The following SRPRA variants were observed in gnomAD, a reference collection of about 807,000 sequenced individuals.
SRPRA encodes the protein SRP receptor subunit alpha.
SRPRA carries 30 observed loss-of-function variants against 61.1 expected under a neutral mutation model. That is an observed-to-expected ratio of 0.49 (90% CI 0.37 to 0.67). SRPRA has a LOEUF of 0.67. Ranked by LOEUF, SRPRA falls within the 30% of genes least tolerant of loss-of-function variation. SRPRA has a pLI of 0.00. For synonymous variants in SRPRA, 324 were observed against 299.7 expected, an observed-to-expected ratio of 1.08 and a Z score of -0.84; for missense variants, 759 against 828.4, an observed-to-expected ratio of 0.92 and a Z score of 1.03.
the SRPRA span, chr11:126,241,108 A>G: frequency 6.8e-7 from 1 of 1,480,090 alleles, no homozygotes; most frequent in Non-Finnish European, 9.1e-7. Context: ...CACAACTAGC[A>G]TGATTTGGCT....
At chr11:126,266,386 C>A in intron 6 of SRPRA, 90 bp downstream of exon 6, 6 of 1,587,784 alleles carry the variant, frequency 3.8e-6, no homozygotes, top group Admixed American at 1.7e-5. Flanking sequence ...GTATAACTTA[C>A]CCCTCATTCA....
At chr11:126,262,420 C>T (rs192441204), downstream of SRPRA, 1,075 of 457,326 alleles carry the variant, frequency 2.4e-3, 4 homozygotes, top group Middle Eastern at 0.015. Flanking sequence ...CCACACAGCA[C>T]ACCAATGTGA....
Position 126,266,533 on chromosome 11 carries a change from G to A in SRPRA, c.783C>T (p.Tyr261=). The A allele has an allele frequency of 6.2e-7, 1 of 1,614,180 alleles. No individual in the cohort carries two copies. The highest frequency in any genetic ancestry group is 8.5e-7 in the Non-Finnish European group (1 of 1,180,034). ...GGGTTCCATTGGTGGTGGGAGTACT[G>A]TAATCCAACACTTCTTTGTTAGCAC... The part of the protein sequence containing the change: ...GGCANKEVLD[Y]STPTTNGTPE... The change falls in exon 6 of 14, where the codon TAC becomes TAT. Residue 261 remains tyrosine, a synonymous_variant. Transcript: ENST00000332118.
chr11:126,266,080 C>A lies in SRPRA; in HGVS notation c.934G>T (p.Ala312Ser). The A allele has an allele frequency of 6.2e-7, 1 of 1,614,096 alleles. No individual in the cohort carries two copies. Among genetic ancestry groups the A allele is most frequent in the Non-Finnish European group, 8.5e-7 (1 of 1,179,986 alleles). ...ATGCCACCCAGTGTTCCCTTGGTCG[C>A]ACTGCAGGGACAGGAGATTACACAT... The part of the protein sequence containing the change: ...GAAQNSTKPS[A>S]TKGTLGGMFG... The change falls in exon 8 of 14, where the codon GCG (alanine) becomes TCG (serine). Residue 312 changes from alanine (A) to serine (S), a missense_variant and splice_region_variant. Ala to Ser is a moderately conservative substitution (Grantham distance 99). Coordinates refer to ENST00000332118, the MANE Select transcript of SRPRA (RefSeq NM_003139.4).
In SRPRA at chr11:126,265,918, A is replaced by AC; in HGVS notation, c.1051+44dup. The AC allele has an allele frequency of 1.2e-6, 2 of 1,609,848 alleles. No individual in the cohort carries two copies. Among genetic ancestry groups the AC allele is most frequent in the South Asian group, 2.2e-5 (2 of 91,008 alleles). On this transcript the variant is annotated intron_variant, in intron 8 of 13. Transcript: ENST00000332118. The surrounding 1 kb of genome is among the most constrained non-coding windows in gnomAD (Gnocchi z 6.3). ...ACGCTAGGTGATTCTGCTCTCAACT[A>AC]CCCCTATCCCGCGAGTATGAGTCAG...
Position 126,264,651 on chromosome 11 carries a change from G to T in SRPRA, c.1526-112C>A. ...TACCTGTTCACTGTCTTGGGCTCTG[G>T]ATTTGGTTCCAAGGTAATGTGAGAA... On this transcript the variant is annotated intron_variant, in intron 11 of 13. Transcript: ENST00000332118. This position sits in a 1 kb window ranked among gnomAD's most constrained non-coding sequence, Gnocchi z 5.0. 1 of 1,319,472 alleles carries T rather than the reference G, an allele frequency of 7.6e-7. No homozygotes were observed. Among genetic ancestry groups the T allele is most frequent in the Non-Finnish European group, 1.0e-6 (1 of 973,606 alleles). The allele number at this position is 1,319,472 out of a possible 1,614,324, so 81.7% of individuals were successfully genotyped here.
At chr11:126,262,213 G>C, downstream of SRPRA, 1 of 1,480,972 alleles carries the variant, frequency 6.8e-7, no homozygotes, top group Non-Finnish European at 9.4e-7. Flanking sequence ...AAACTTACAA[G>C]AACCCAACAC....
the SRPRA span, among the ~76,000 whole-genome samples, chr11:126,246,273 A>C: frequency 6.6e-6 from 1 of 152,144 alleles, no homozygotes; most frequent in Non-Finnish European, 1.5e-5. Flanking sequence ...AAAAGAATCA[A>C]ATCTAACAGT....
chr11:126,263,692 C>T lies in SRPRA; in HGVS notation c.*224G>A, dbSNP rs3189850. The T allele has an allele frequency of 1.6e-5, 9 of 572,852 alleles. No individual in the cohort carries two copies. The highest frequency in any genetic ancestry group is 3.8e-5 in the African/African-American group (2 of 53,332). 35.5% of individuals were successfully genotyped at this position (572,852 alleles called of 1,614,324 possible). On this transcript the variant is annotated 3_prime_UTR_variant, in exon 14 of 14. Coordinates refer to ENST00000332118, the MANE Select transcript of SRPRA (RefSeq NM_003139.4). ...GTGCCTGAGTAGGAAGGGGGAGGCC[C>T]GCTGGGAGAGGGTCAGTGGGCAGTG...
chr11:126,249,356 T>C, the SRPRA span, among the ~76,000 whole-genome samples: 1 of 152,244 alleles, frequency 6.6e-6, no homozygotes, highest in African/African-American at 2.4e-5. Context: ...AATAAACCTA[T>C]GAACTGCTGA....
At chr11:126,244,758 C>T in the SRPRA span, among the ~76,000 whole-genome samples, 2 of 152,140 alleles carry the variant, frequency 1.3e-5, no homozygotes, top group Non-Finnish European at 1.5e-5. This position sits in a 1 kb window ranked among gnomAD's most constrained non-coding sequence, Gnocchi z 4.5. Context: ...AGCCAGGATC[C>T]CTCCACTGCA....
the SRPRA span, chr11:126,250,823 T>A: frequency 9.5e-7 from 1 of 1,057,024 alleles, no homozygotes; most frequent in Non-Finnish European, 1.4e-6. This position sits in a 1 kb window ranked among gnomAD's most constrained non-coding sequence, Gnocchi z 5.1. Flanking sequence ...TTGGTATTTA[T>A]GTAGAGCTAG....
In SRPRA at chr11:126,267,497, A is replaced by G; in HGVS notation, c.365+52T>C. 6.2e-7 allele frequency: 1 copy of G among 1,609,344 alleles called. No homozygotes were observed. Among genetic ancestry groups the G allele is most frequent in the Non-Finnish European group, 8.5e-7 (1 of 1,177,020 alleles). On this transcript the variant is annotated intron_variant, in intron 3 of 13. Coordinates refer to ENST00000332118, the MANE Select transcript of SRPRA (RefSeq NM_003139.4). This position sits in a 1 kb window ranked among gnomAD's most constrained non-coding sequence, Gnocchi z 4.2. ...TACCACCTTTGAACCACCTTCAGAG[A>G]GGTCATCAAATCATGGAAATAAATT...
At chr11:126,259,390 T>C (rs1415953136), downstream of SRPRA, among the ~76,000 whole-genome samples, 2 of 151,954 alleles carry the variant, frequency 1.3e-5, no homozygotes, top group Non-Finnish European at 2.9e-5. Flanking sequence ...AAATAATTCT[T>C]ATAATCCATT....
At chr11:126,244,719 A>G in the SRPRA span, among the ~76,000 whole-genome samples, 2 of 152,092 alleles carry the variant, frequency 1.3e-5, no homozygotes, top group Non-Finnish European at 2.9e-5. The surrounding 1 kb of genome is among the most constrained non-coding windows in gnomAD (Gnocchi z 4.5). Context: ...CAGGAGAATC[A>G]CTTGAACCTG....
At position 126,266,098 on chromosome 11, in the gene SRPRA, T is replaced by TTACACA. The variant is rs762702146; in HGVS notation, c.933-23_933-18dup. On this transcript the variant is annotated splice_polypyrimidine_tract_variant and intron_variant, in intron 7 of 13. Coordinates refer to ENST00000332118, the MANE Select transcript of SRPRA (RefSeq NM_003139.4). ...TTGGTCGCACTGCAGGGACAGGAGA[T>TTACACA]TACACATACACATAAAACCAGTAGG... The TTACACA allele has an allele frequency of 6.2e-7, 1 of 1,613,454 alleles. No homozygotes were observed. Among genetic ancestry groups the TTACACA allele is most frequent in the Non-Finnish European group, 8.5e-7 (1 of 1,179,444 alleles).
At chr11:126,250,375 G>A in the SRPRA span, 3 of 633,072 alleles carry the variant, frequency 4.7e-6, no homozygotes, top group South Asian at 3.9e-5. The surrounding 1 kb of genome is among the most constrained non-coding windows in gnomAD (Gnocchi z 5.1). Flanking sequence ...ACAGGCGTGA[G>A]CCACTGCGCC....
At position 126,265,942 on chromosome 11, in the gene SRPRA, A is replaced by AG; in HGVS notation, c.1051+20dup. On this transcript the variant is annotated intron_variant, in intron 8 of 13. Transcript: ENST00000332118. The surrounding 1 kb of genome is among the most constrained non-coding windows in gnomAD (Gnocchi z 6.3). ...TACCCCTATCCCGCGAGTATGAGTC[A>AG]GCCCGGTCCTCAGAACTTACCAATG... is the stretch of plus-strand genomic sequence containing the variant. 1 of 1,612,864 alleles carries AG rather than the reference A, an allele frequency of 6.2e-7. No individual in the cohort carries two copies. Among genetic ancestry groups the AG allele is most frequent in the Non-Finnish European group, 8.5e-7 (1 of 1,178,828 alleles).
Position 126,265,321 on chromosome 11 carries a change from C to T in SRPRA, c.1258G>A (p.Val420Ile), listed in dbSNP as rs1319812760. 2 of 1,613,806 alleles carry T rather than the reference C, an allele frequency of 1.2e-6. No homozygotes were observed. The highest frequency in any genetic ancestry group is 1.7e-6 in the Non-Finnish European group (2 of 1,179,984). The change falls in exon 10 of 14, where the codon GTC becomes ATC. Residue 420 changes from valine to isoleucine, a missense_variant. Coordinates refer to ENST00000332118, the MANE Select transcript of SRPRA (RefSeq NM_003139.4). The surrounding 1 kb of genome is among the most constrained non-coding windows in gnomAD (Gnocchi z 6.3). ...CCATTAACGCCGCAGAAGGTGACGA[C>T]ATAAGGGCGCTGGCGACGCTGGGCA... ...MDAQRRQRPY[V>I]VTFCGVNGVG...
Sources: allele counts gnomAD v4.1 joint callset (sites outside exome capture counted in the v4.1 genomes callset), GRCh38; gene constraint gnomAD v4.1.1; non-coding constraint Gnocchi (gnomAD v3.1); transcripts MANE v1.5; gene names NCBI Gene and HGNC (gene_info 2026-07-23, HGNC 2026-07-21).